Variants in STAB1 observed in about 807,000 individuals in gnomAD.
STAB1 encodes the protein stabilin 1.
A neutral mutation model predicts 332.4 loss-of-function variants in STAB1; 250 were observed. The ratio of observed to expected loss-of-function variants is 0.75; its 90% CI spans 0.68 to 0.84. The LOEUF is 0.84. Ranked by LOEUF, STAB1 falls within the 40% of genes least tolerant of loss-of-function variation. The pLI is 0.00. For synonymous variants in STAB1, 1,475 were observed against 1,390.4 expected, an observed-to-expected ratio of 1.06 and a Z score of -1.35; for missense variants, 3,249 against 3,489.7, an observed-to-expected ratio of 0.93 and a Z score of 1.74.
intron 30 of STAB1, 127 bp downstream of exon 30, chr3:52,513,368 G>A: frequency 1.1e-6 from 1 of 926,158 alleles, no homozygotes; most frequent in South Asian, 1.7e-5. Context: ...CCTGCCCAGA[G>A]CCGGGCTCAA....
At chr3:52,519,607 CGT>C in intron 50 of STAB1, 43 bp downstream of exon 50, 1 of 1,570,894 alleles carries the variant, frequency 6.4e-7, no homozygotes, top group Non-Finnish European at 8.7e-7. Flanking sequence ...CACACATGCA[CGT>C]GTAAGTGTGT....
chr3:52,517,728 G>A, intron 44 of STAB1, 104 bp downstream of exon 44: 1 of 1,552,580 alleles, frequency 6.4e-7, no homozygotes, highest in South Asian at 1.2e-5. Context: ...GCCTCTGCAG[G>A]GTGGGCTATC....
chr3:52,506,849 C>A lies in STAB1; in HGVS notation c.1988C>A (p.Ala663Glu). Residue 663 changes from alanine (A) to glutamate (E), a missense_variant and splice_region_variant, in exon 18 of 69, where the codon GCG (alanine) becomes GAG (glutamate). Physicochemically the swap from Ala to Glu is moderately radical, Grantham distance 107 (BLOSUM62 -1). Transcript: ENST00000321725. ...AGCGAGGAGCAGCACAAGATTGTGG[C>A]GGTGAGCCTCGCCTGCACGGCCAGG... is the stretch of plus-strand genomic sequence containing the variant. ...HCSEEQHKIV[A>E]GSCVDCQALN... The A allele has an allele frequency of 6.2e-7, 1 of 1,612,526 alleles. No homozygotes were observed. Among genetic ancestry groups the A allele is most frequent in the Non-Finnish European group, 8.5e-7 (1 of 1,179,692 alleles).
In STAB1 at chr3:52,514,104, C is replaced by T. The variant is rs769761427; in HGVS notation, c.3448-11C>T. On this transcript the variant is annotated splice_polypyrimidine_tract_variant and intron_variant, in intron 32 of 68. Transcript: ENST00000321725. ...TAATATGCCCATCCCTGACCTCCAC[C>T]CCATCCCTAGCACCATGGGTTGGTG... 1 of 1,613,030 alleles carries T rather than the reference C, an allele frequency of 6.2e-7. No homozygotes were observed. Among genetic ancestry groups the T allele is most frequent in the South Asian group, 1.1e-5 (1 of 91,056 alleles).
At position 52,522,928 on chromosome 3, in the gene STAB1, T is replaced by C. The variant is rs781665074; in HGVS notation, c.6898T>C (p.Phe2300Leu). The C allele has an allele frequency of 6.2e-7, 1 of 1,613,216 alleles. No individual in the cohort carries two copies. The highest frequency in any genetic ancestry group is 1.1e-5 in the South Asian group (1 of 91,086). Residue 2300 changes from phenylalanine (F) to leucine (L), a missense_variant, in exon 62 of 69, where the codon TTC (phenylalanine) becomes CTC (leucine). Coordinates refer to ENST00000321725, the MANE Select transcript of STAB1 (RefSeq NM_015136.3). The stretch of plus-strand genomic sequence containing the variant: ...CTCAGAACGCTGGGATGCCTACTGC[T>C]TCCGTGTGCAAGGTGTGTCCACCCG... ...NLSERWDAYC[F>L]RVQDVACRCR...
intron 1 of STAB1, among the ~76,000 whole-genome samples, 181 bp downstream of exon 1, chr3:52,495,672 C>T (rs1252677089): frequency 2.0e-5 from 3 of 152,200 alleles, no homozygotes; most frequent in African/African-American, 4.8e-5. Context: ...CTGAGGTCTG[C>T]GTCCAGCCAC....
Position 52,507,949 on chromosome 3 carries a change from T to C in STAB1, c.2071T>C (p.Cys691Arg). 1 of 1,613,268 alleles carries C rather than the reference T, an allele frequency of 6.2e-7. No individual in the cohort carries two copies. The highest frequency in any genetic ancestry group is 8.5e-7 in the Non-Finnish European group (1 of 1,179,846). ...ACCCTAGGACATCTTCCCCAAGGAG[T>C]GTGTCTACATCCATGACCCAACGGG... ...SVKLDIFPKE[C>R]VYIHDPTGLN... The change falls in exon 20 of 69, where the codon TGT becomes CGT. Residue 691 changes from cysteine to arginine, a missense_variant. Coordinates refer to ENST00000321725, the MANE Select transcript of STAB1 (RefSeq NM_015136.3).
intron 1 of STAB1, 53 bp from the exon 2 acceptor site, chr3:52,501,113 C>T: frequency 6.3e-7 from 1 of 1,592,436 alleles, no homozygotes; most frequent in Non-Finnish European, 8.6e-7. Context: ...AGGACAGGGT[C>T]AGGACTGGGC....
Position 52,510,129 on chromosome 3 carries a change from C to G in STAB1, c.2535-13C>G, listed in dbSNP as rs1157266081. The G allele has an allele frequency of 1.2e-6, 2 of 1,613,948 alleles. No homozygotes were observed. The highest frequency in any genetic ancestry group is 3.3e-5 in the Admixed American group (2 of 60,028). ...TGAGGCTCACTGGAGCCCCCTCCTT[C>G]ACCCACCCCCAGATGTCGCTGTCTT... On this transcript the variant is annotated splice_polypyrimidine_tract_variant and intron_variant, in intron 23 of 68. Transcript: ENST00000321725.
chr3:52,519,231 A>T, intron 48 of STAB1, 33 bp from the exon 49 acceptor site: 2 of 1,596,892 alleles, frequency 1.3e-6, no homozygotes, highest in Non-Finnish European at 1.7e-6. Context: ...CACCCCACCT[A>T]TCTGCTTCAT....
Position 52,514,397 on chromosome 3 carries a change from G to A in STAB1, c.3579G>A (p.Leu1193=). 1 of 1,551,952 alleles carries A rather than the reference G, an allele frequency of 6.4e-7. No individual in the cohort carries two copies. The highest frequency in any genetic ancestry group is 8.7e-7 in the Non-Finnish European group (1 of 1,148,682). ...ACACAGTGCGGCACCATGTGGTCCT[G>A]GGGGAGGCCCTCTCCATGGAAACCC... ...DADTVRHHVV[L]GEALSMETLR... The change falls in exon 34 of 69, where the codon CTG becomes CTA. Residue 1193 remains leucine, a synonymous_variant. Transcript: ENST00000321725.
chr3:52,520,545 G>A lies in STAB1; in HGVS notation c.5645G>A (p.Arg1882Gln), dbSNP rs148330904. Residue 1882 changes from arginine (R) to glutamine (Q), a missense_variant, in exon 53 of 69, where the codon CGA becomes CAA. Arg to Gln is a conservative substitution (Grantham distance 43). Transcript: ENST00000321725. ...GACCACTTTGAGACCCGGCCCCTGC[G>A]ACTGGTGAGGGAGGCCAGAGGCAGA... The part of the protein sequence containing the change: ...RCDHFETRPL[R>Q]LNTCSICGLE... 27 of 1,611,128 alleles carry A rather than the reference G, an allele frequency of 1.7e-5. No individual in the cohort carries two copies. The highest frequency in any genetic ancestry group is 3.3e-5 in the Admixed American group (2 of 59,980).
chr3:52,504,041 G>A lies in STAB1; in HGVS notation c.1036G>A (p.Glu346Lys), dbSNP rs1383187817. The A allele has an allele frequency of 6.3e-7, 1 of 1,599,030 alleles. No individual in the cohort carries two copies. The highest frequency in any genetic ancestry group is 1.7e-5 in the Admixed American group (1 of 57,418). ...CTGGGAGCCCAGCTGTGTGTGCAGG[G>A]AAAGCGAGGTGGGGGATGGGCGTGC... ...ADGKTSCVCRESEVGDGRACY... is the reference protein window; with the variant it reads ...ADGKTSCVCRKSEVGDGRACY... Residue 346 changes from glutamate (E) to lysine (K), a missense_variant, in exon 10 of 69, where the codon GAA (glutamate) becomes AAA (lysine). Physicochemically the swap from Glu to Lys is moderately conservative, Grantham distance 56. Coordinates refer to ENST00000321725, the MANE Select transcript of STAB1 (RefSeq NM_015136.3).
At chr3:52,515,179 G>A (rs1416444406) in intron 36 of STAB1, 134 bp downstream of exon 36, 12 of 1,193,870 alleles carry the variant, frequency 1.0e-5, no homozygotes, top group Admixed American at 6.5e-5. Flanking sequence ...GGTGGCTGAC[G>A]TCCCCATAGA....
Position 52,510,167 on chromosome 3 carries a change from G to A in STAB1, c.2560G>A (p.Gly854Ser), listed in dbSNP as rs1709190738. ...ARCRCLDGFEGDGFSCTPSNP... is the reference protein window; with the variant it reads ...ARCRCLDGFESDGFSCTPSNP... Reference sequence around the variant, plus strand: ...ATGTCGCTGTCTTGATGGCTTTGAGGGTGATGGCTTCTCCTGCACACCTAG... The same window carrying A: ...ATGTCGCTGTCTTGATGGCTTTGAGAGTGATGGCTTCTCCTGCACACCTAG... The change falls in exon 24 of 69, where the codon GGT (glycine) becomes AGT (serine). Residue 854 changes from glycine (G) to serine (S), a missense_variant. Physicochemically the swap from Gly to Ser is moderately conservative, Grantham distance 56. Coordinates refer to ENST00000321725, the MANE Select transcript of STAB1 (RefSeq NM_015136.3). The A allele has an allele frequency of 1.2e-6, 2 of 1,614,000 alleles. No individual in the cohort carries two copies. Among genetic ancestry groups the A allele is most frequent in the Non-Finnish European group, 8.5e-7 (1 of 1,180,036 alleles).
chr3:52,509,107 T>C, intron 21 of STAB1, 103 bp from the exon 22 acceptor site: 1 of 1,005,620 alleles, frequency 9.9e-7, no homozygotes. Flanking sequence ...CTCTCACGGG[T>C]AGCAAGAGCT....
intron 33 of STAB1, 53 bp downstream of exon 33, chr3:52,514,266 A>G: frequency 1.2e-6 from 2 of 1,604,880 alleles, no homozygotes; most frequent in Admixed American, 3.4e-5. Flanking sequence ...ATAGAGGGCG[A>G]GCCTCCAATC....
At chr3:52,501,351 T>G (rs1329428467) in intron 2 of STAB1, 49 bp downstream of exon 2, 3 of 1,593,556 alleles carry the variant, frequency 1.9e-6, no homozygotes, top group Non-Finnish European at 2.6e-6. Flanking sequence ...TCCTGTGGGG[T>G]GGCAGGGACT....
chr3:52,519,141 C>T (rs1262851792), intron 48 of STAB1, 123 bp from the exon 49 acceptor site: 3 of 1,303,116 alleles, frequency 2.3e-6, no homozygotes. Context: ...TCGTCCTGGT[C>T]CCGAAGAACC....
Sources: allele counts gnomAD v4.1 joint callset (sites outside exome capture counted in the v4.1 genomes callset), GRCh38; gene constraint gnomAD v4.1.1; transcripts MANE v1.5; gene names NCBI Gene and HGNC (gene_info 2026-07-23, HGNC 2026-07-21).